Variants in ADAM23 observed in about 807,000 individuals in gnomAD.
ADAM23 encodes ADAM metallopeptidase domain 23.
ADAM23 carries 33 observed loss-of-function variants against 120.1 expected under a neutral mutation model. The ratio of observed to expected loss-of-function variants is 0.27; its 90% confidence interval spans 0.21 to 0.37. ADAM23 has a LOEUF of 0.37. ADAM23 is among the 10% of genes least tolerant of loss of function. ADAM23 has a pLI of 1.00. For missense variants in ADAM23, 862 were observed against 1,058.2 expected (o/e 0.81, Z 2.57); for synonymous variants, 367 against 375.2 (o/e 0.98, Z 0.25).
intron 24 of ADAM23, among the ~76,000 whole-genome samples, chr2:206,598,690 A>T (rs906948639): frequency 6.6e-6 from 1 of 152,150 alleles, no homozygotes; most frequent in African/African-American, 2.4e-5. Context: ...ATCTGAGGTC[A>T]GGAGTTCGAG....
intron 3 of ADAM23, among the ~76,000 whole-genome samples, chr2:206,499,481 C>T (rs995382118): frequency 1.6e-4 from 18 of 114,830 alleles, no homozygotes; most frequent in African/African-American, 2.4e-4. Flanking sequence ...CATCACACAC[C>T]AGGGACTGTT....
chr2:206,473,255 C>G (rs949136056), intron 2 of ADAM23, among the ~76,000 whole-genome samples: 1 of 152,086 alleles, frequency 6.6e-6, no homozygotes, highest in African/African-American at 2.4e-5. Context: ...TAATTTCATT[C>G]TATTAAATAA....
intron 2 of ADAM23, among the ~76,000 whole-genome samples, chr2:206,476,555 A>G (rs1695779856): frequency 6.6e-6 from 1 of 152,130 alleles, no homozygotes; most frequent in Admixed American, 6.5e-5. Flanking sequence ...TCTAGGTTGC[A>G]TACTCCTTAT....
intron 25 of ADAM23, among the ~76,000 whole-genome samples, chr2:206,610,536 C>CT (rs1698807202): frequency 6.6e-6 from 1 of 152,172 alleles, no homozygotes; most frequent in Admixed American, 6.5e-5. Flanking sequence ...CCTCGACCAA[C>CT]TGAATTGGTT....
chr2:206,519,094 G>T (rs1174212716), intron 3 of ADAM23, among the ~76,000 whole-genome samples: 1 of 152,074 alleles, frequency 6.6e-6, no homozygotes, highest in African/African-American at 2.4e-5. Context: ...AGACTAGTTG[G>T]ACAATGTTAG....
chr2:206,588,116 A>G lies in ADAM23; in HGVS notation c.1814A>G (p.Lys605Arg). 2 of 1,614,134 alleles carry G rather than the reference A, an allele frequency of 1.2e-6. No homozygotes were observed. Among genetic ancestry groups the G allele is most frequent in the Non-Finnish European group, 8.5e-7 (1 of 1,179,970 alleles). The change falls in exon 20 of 26, where the codon AAG (lysine) becomes AGG (arginine). Residue 605 changes from lysine (K) to arginine (R), a missense_variant. Coordinates refer to ENST00000264377, the MANE Select transcript of ADAM23 (RefSeq NM_003812.4). ...NQGRCYNGEC[K>R]TRDNQCQYIW... is the part of the protein sequence containing the mutation. ...GGCCGCTGCTACAATGGCGAGTGCA[A>G]GACCAGAGACAACCAGTGTCAGTAC...
intron 24 of ADAM23, among the ~76,000 whole-genome samples, chr2:206,597,096 C>T (rs1288339517): frequency 1.3e-5 from 2 of 151,218 alleles, no homozygotes; most frequent in Non-Finnish European, 3.0e-5. Context: ...GAACTCCTGG[C>T]CTCAAGTGAT....
intron 18 of ADAM23, among the ~76,000 whole-genome samples, chr2:206,580,316 C>A (rs1698198610): frequency 6.6e-6 from 1 of 152,146 alleles, no homozygotes; most frequent in South Asian, 2.1e-4. Context: ...GGAATGCTTT[C>A]AACTTTTCCC....
rs1291481862 is a variant in ADAM23, at chr2:206,443,944, A to G, written c.78A>G (p.Gln26=). ...TTGCCGGCGCTTCCTGCGGCCCCCA[A>G]CGCGGCCCCGCCGGCTCGGTGCCTG... ...CSLAGASCGP[Q]RGPAGSVPAS... is the part of the protein sequence containing the mutation. Residue 26 remains glutamine, a synonymous_variant, in exon 1 of 26, where the codon CAA becomes CAG. Coordinates refer to ENST00000264377, the MANE Select transcript of ADAM23 (RefSeq NM_003812.4). 4.0e-5 allele frequency: 50 copies of G among 1,256,766 alleles called. No individual in the cohort carries two copies. The highest frequency in any genetic ancestry group is 4.8e-5 in the Non-Finnish European group (48 of 1,005,608). 77.9% of individuals were successfully genotyped at this position (1,256,766 alleles called of 1,614,324 possible). A position where few individuals can be genotyped will look rare whatever the true frequency, so the allele number is the denominator to read the frequency against.
At chr2:206,463,934 A>G (rs1695482774) in intron 2 of ADAM23, among the ~76,000 whole-genome samples, 1 of 152,250 alleles carries the variant, frequency 6.6e-6, no homozygotes, top group South Asian at 2.1e-4. Flanking sequence ...TTGAGTCATC[A>G]AATGACATTT....
intron 1 of ADAM23, 133 bp downstream of exon 1, chr2:206,444,213 C>T (rs1695026748): frequency 9.1e-6 from 6 of 661,318 alleles, no homozygotes; most frequent in East Asian, 3.6e-5. Flanking sequence ...CCTGTCTTTC[C>T]ACCCTTCTCG....
At chr2:206,499,677 T>C (rs985849243) in intron 3 of ADAM23, among the ~76,000 whole-genome samples, 1 of 152,196 alleles carries the variant, frequency 6.6e-6, no homozygotes, top group Admixed American at 6.5e-5. Flanking sequence ...AAAATTTACA[T>C]GTGATCTTAC....
chr2:206,595,965 C>A, intron 23 of ADAM23, 86 bp from the exon 24 acceptor site: 1 of 1,044,476 alleles, frequency 9.6e-7, no homozygotes, highest in South Asian at 1.5e-5. Context: ...AAAGCTTCCT[C>A]CCTGCCCCCG....
At chr2:206,583,327 G>A (rs940420185) in intron 18 of ADAM23, among the ~76,000 whole-genome samples, 14 of 151,982 alleles carry the variant, frequency 9.2e-5, no homozygotes, top group African/African-American at 1.4e-4. Flanking sequence ...GGTAACGAGC[G>A]CCTATAGTCC....
intron 24 of ADAM23, 131 bp from the exon 25 acceptor site, chr2:206,609,778 TA>T (rs1449759062): frequency 4.3e-5 from 30 of 690,170 alleles, no homozygotes; most frequent in Non-Finnish European, 6.9e-5. Flanking sequence ...GCTAAGTAAA[TA>T]AAGGCAATTT....
intron 2 of ADAM23, among the ~76,000 whole-genome samples, chr2:206,460,662 C>T (rs1695398841): frequency 1.3e-5 from 2 of 152,138 alleles, no homozygotes; most frequent in African/African-American, 2.4e-5. Flanking sequence ...ACATGATTTA[C>T]AAATATTTTC....
chr2:206,527,272 A>G (rs753602959), intron 3 of ADAM23, among the ~76,000 whole-genome samples: 1 of 152,236 alleles, frequency 6.6e-6, no homozygotes, highest in Non-Finnish European at 1.5e-5. Flanking sequence ...ATTTCAGAAC[A>G]TTCTGTTTCC....
At chr2:206,599,471 A>T (rs1698595699) in intron 24 of ADAM23, among the ~76,000 whole-genome samples, 1 of 152,180 alleles carries the variant, frequency 6.6e-6, no homozygotes, top group Non-Finnish European at 1.5e-5. Context: ...TTTTATCTGT[A>T]ATAGCTATCT....
chr2:206,490,438 A>ATT (rs1696108863), intron 3 of ADAM23, among the ~76,000 whole-genome samples: 2 of 152,214 alleles, frequency 1.3e-5, no homozygotes, highest in African/African-American at 4.8e-5. Context: ...TTATACTATG[A>ATT]TTTTCAAGTG....
Sources: gnomAD v4.1 joint callset for allele counts (sites outside exome capture counted in the v4.1 genomes callset) on GRCh38, gnomAD v4.1.1 for gene constraint, MANE v1.5 for transcripts, NCBI Gene and HGNC (gene_info 2026-07-23, HGNC 2026-07-21) for gene names.